Variants in NAV2 observed in about 807,000 individuals in gnomAD.
NAV2 encodes neuron navigator 2.
Under a neutral mutation model 223.2 loss-of-function variants are expected in NAV2, and 54 were observed. The observed-to-expected ratio is 0.24, with a 90% CI of 0.19 to 0.30. NAV2 has a LOEUF of 0.30. Among genes scored for constraint, NAV2 ranks in the 10% least tolerant of loss-of-function variants. The pLI is 1.00. For missense variants in NAV2, 2,806 were observed against 3,147.5 expected (o/e 0.89, Z 2.60); for synonymous variants, 1,279 against 1,239.3 (o/e 1.03, Z -0.67).
chr11:19,410,252 C>T (rs1850086027), intron 1 of NAV2, among the ~76,000 whole-genome samples: 1 of 152,146 alleles, frequency 6.6e-6, no homozygotes, highest in African/African-American at 2.4e-5. Context: ...TGGGCCCTTT[C>T]CTCCCTTTCA....
intron 1 of NAV2, among the ~76,000 whole-genome samples, chr11:19,442,677 C>A (rs1851447147): frequency 1.3e-5 from 2 of 152,158 alleles, no homozygotes; most frequent in Non-Finnish European, 2.9e-5. Context: ...ATAGCAAGGG[C>A]CCAGGGCTCT....
chr11:20,050,014 G>T, intron 16 of NAV2, 113 bp downstream of exon 16: 1 of 894,448 alleles, frequency 1.1e-6, no homozygotes, highest in South Asian at 1.4e-5. Flanking sequence ...GCTTGTGTTT[G>T]TGGCTCTAGT....
At chr11:19,601,683 G>A (rs1332494261) in intron 1 of NAV2, among the ~76,000 whole-genome samples, 2 of 152,080 alleles carry the variant, frequency 1.3e-5, no homozygotes, top group Admixed American at 1.3e-4. Context: ...ATCTTGGTGG[G>A]GACACAGAGC....
chr11:19,701,136 C>T (rs2152283924), intron 1 of NAV2, among the ~76,000 whole-genome samples: 1 of 152,206 alleles, frequency 6.6e-6, no homozygotes, highest in Middle Eastern at 3.4e-3. Context: ...TCTGCCAGAT[C>T]CAGCCTCCGT....
At chr11:19,958,325 A>G (rs529387471) in intron 10 of NAV2, among the ~76,000 whole-genome samples, 41 of 152,364 alleles carry the variant, frequency 2.7e-4, no homozygotes, top group Non-Finnish European at 4.1e-4. Flanking sequence ...CACTGAGACC[A>G]AGGGAAATGA....
chr11:19,464,081 C>T (rs1293793657), intron 1 of NAV2, among the ~76,000 whole-genome samples: 1 of 152,218 alleles, frequency 6.6e-6, no homozygotes, highest in African/African-American at 2.4e-5. Context: ...AGGCATTTCT[C>T]TATTTCATAC....
At chr11:19,524,350 T>C (rs116640533) in intron 1 of NAV2, among the ~76,000 whole-genome samples, 1,942 of 152,346 alleles carry the variant, frequency 0.013, 38 homozygotes, top group African/African-American at 0.044. Context: ...GAGACTGTGC[T>C]AGCTTGTCAG....
chr11:19,589,590 C>A (rs550533159), intron 1 of NAV2, among the ~76,000 whole-genome samples: 1 of 152,278 alleles, frequency 6.6e-6, no homozygotes, highest in South Asian at 2.1e-4. Context: ...TCCACAATAG[C>A]AAGAGCATGT....
chr11:19,899,329 G>A (rs1201101747), intron 6 of NAV2, among the ~76,000 whole-genome samples: 1 of 152,154 alleles, frequency 6.6e-6, no homozygotes, highest in African/African-American at 2.4e-5. Context: ...TCACTTTATG[G>A]TTGGCAAACC....
At chr11:19,795,848 A>G (rs1399955559) in intron 1 of NAV2, among the ~76,000 whole-genome samples, 3 of 152,194 alleles carry the variant, frequency 2.0e-5, no homozygotes, top group South Asian at 4.1e-4. Context: ...AAAAGGTTTT[A>G]TAGATACTTT....
chr11:19,841,442 G>A lies in NAV2; in HGVS notation c.386-1429G>A, dbSNP rs545965233. ...GCTTTTCTCTTTTTGGAAGTTTTAG[G>A]TATCATATTTATTAAAATATGATAT... On this transcript the variant is annotated intron_variant, in intron 2 of 37. Coordinates refer to ENST00000349880, the MANE Select transcript of NAV2 (RefSeq NM_145117.5). 2.6e-5 allele frequency among the ~76,000 whole-genome samples: 4 copies of A among 152,156 alleles called. No individual in the cohort carries two copies. In the East Asian group the frequency reaches 7.7e-4, roughly 29 times the overall value.
chr11:19,970,136 G>A (rs1454359356), intron 10 of NAV2, among the ~76,000 whole-genome samples: 1 of 152,114 alleles, frequency 6.6e-6, no homozygotes, highest in Non-Finnish European at 1.5e-5. Flanking sequence ...CATGGAAGGT[G>A]AAACCACAGA....
intron 1 of NAV2, among the ~76,000 whole-genome samples, chr11:19,499,580 A>C (rs575236749): frequency 1.3e-5 from 2 of 152,188 alleles, no homozygotes; most frequent in African/African-American, 4.8e-5. Flanking sequence ...AGATAGTTGT[A>C]TCTCTGTATC....
At chr11:19,373,182 C>T (rs887242311) in intron 1 of NAV2, among the ~76,000 whole-genome samples, 2 of 152,196 alleles carry the variant, frequency 1.3e-5, no homozygotes, top group African/African-American at 4.8e-5. Context: ...AGAACTTAGT[C>T]CTTTCTTCTG....
In NAV2 at chr11:19,994,419, C is replaced by T. The variant is rs778171970; in HGVS notation, c.2768+10172C>T. ...AAAATTAGCTGGGCGTGGTGGCGGG[C>T]GCCTGTAATCCCAGCTGCGCAGCAG... On this transcript the variant is annotated intron_variant, in intron 11 of 37. Coordinates refer to ENST00000349880, the MANE Select transcript of NAV2 (RefSeq NM_145117.5). Among the ~76,000 whole-genome samples the T allele has an allele frequency of 5.0e-4, 76 of 152,186 alleles. 1 individual carries two copies. The highest frequency in any genetic ancestry group is 6.5e-4 in the Non-Finnish European group (44 of 67,996).
At chr11:20,028,632 G>A (rs184062374) in intron 11 of NAV2, among the ~76,000 whole-genome samples, 1 of 152,308 alleles carries the variant, frequency 6.6e-6, no homozygotes, top group East Asian at 1.9e-4. Flanking sequence ...CTGGAAGGCT[G>A]CTTGCAGTCA....
chr11:19,762,518 C>G lies in NAV2; in HGVS notation c.267+48556C>G, dbSNP rs191277569. ...TCTGGCCTCAGGGCCTTTGCAGAAGCCTTGGCTCCTAATCTTCTGTTCTCC... is the reference window on the plus strand; with the variant it reads ...TCTGGCCTCAGGGCCTTTGCAGAAGGCTTGGCTCCTAATCTTCTGTTCTCC... On this transcript the variant is annotated intron_variant, in intron 1 of 37. Transcript: ENST00000349880. Among the ~76,000 whole-genome samples, 678 of 152,230 alleles carry G rather than the reference C, an allele frequency of 4.5e-3. 4 individuals carry two copies. The highest frequency in any genetic ancestry group is 0.016 in the African/African-American group (644 of 41,532).
At chr11:20,076,020 T>C (rs189738245) in intron 22 of NAV2, among the ~76,000 whole-genome samples, 50 of 152,324 alleles carry the variant, frequency 3.3e-4, no homozygotes, top group South Asian at 8.3e-4. Flanking sequence ...ACCTCCTTTT[T>C]TCCCCACAAG....
At chr11:19,716,447 A>G (rs998739567) in intron 1 of NAV2, among the ~76,000 whole-genome samples, 3 of 152,242 alleles carry the variant, frequency 2.0e-5, no homozygotes, top group African/African-American at 7.2e-5. Context: ...GTGTCTGGCA[A>G]ATAAGGAACA....
Sources: allele counts gnomAD v4.1 joint callset (sites outside exome capture counted in the v4.1 genomes callset), GRCh38; gene constraint gnomAD v4.1.1; transcripts MANE v1.5; gene names NCBI Gene and HGNC (gene_info 2026-07-23, HGNC 2026-07-21).